Variants in TSNARE1 observed in about 807,000 individuals in gnomAD.
TSNARE1 encodes the protein t-SNARE domain-containing protein 1.
Under a neutral mutation model 62.0 loss-of-function variants are expected in TSNARE1, and 49 were observed. The ratio of observed to expected loss-of-function variants is 0.79; its 90% confidence interval spans 0.63 to 1.00. The LOEUF (loss-of-function observed/expected upper bound fraction) is 1.00. TSNARE1 is among the 50% of genes least tolerant of loss of function. TSNARE1 has a pLI of 0.00. For synonymous variants in TSNARE1, 328 were observed against 294.4 expected, an observed-to-expected ratio of 1.11 and a Z score of -1.17; for missense variants, 755 against 700.1, an observed-to-expected ratio of 1.08 and a Z score of -0.88.
intron 4 of TSNARE1, among the ~76,000 whole-genome samples, chr8:142,333,411 A>C (rs1054736035): frequency 2.6e-4 from 39 of 152,168 alleles, no homozygotes; most frequent in African/African-American, 9.4e-4. Context: ...GCAAGTTTAC[A>C]ATTTTCCATA....
intron 12 of TSNARE1, among the ~76,000 whole-genome samples, chr8:142,235,488 A>C (rs67498679): frequency 0.24 from 36,360 of 150,528 alleles, 5,532 homozygotes; most frequent in African/African-American, 0.43. Context: ...ATGCATTCAG[A>C]ACACATGACG....
chr8:142,260,974 G>GAGGCAGCAGAA (rs1818834116), intron 12 of TSNARE1, among the ~76,000 whole-genome samples: 1 of 72,194 alleles, frequency 1.4e-5, no homozygotes, highest in Non-Finnish European at 3.1e-5. Flanking sequence ...GTCAGGGAGG[G>GAGGCAGCAGAA]AGGGAGGGAG....
chr8:142,273,724 C>T, intron 12 of TSNARE1: 1 of 985,430 alleles, frequency 1.0e-6, no homozygotes, highest in South Asian at 4.7e-5. Context: ...GGCTGGGTCC[C>T]ACTGGGGAAG....
intron 12 of TSNARE1, chr8:142,270,334 A>G (rs1055985221): frequency 2.7e-5 from 27 of 985,328 alleles, no homozygotes; most frequent in Non-Finnish European, 3.0e-5. Flanking sequence ...ACGCCCGAGA[A>G]GCAGGCTCCA....
At chr8:142,227,561 C>T (rs1195487840) in intron 13 of TSNARE1, among the ~76,000 whole-genome samples, 1 of 152,246 alleles carries the variant, frequency 6.6e-6, no homozygotes, top group Non-Finnish European at 1.5e-5. Flanking sequence ...GCTCTGGATA[C>T]CAGGAGTTCT....
chr8:142,300,783 G>GACGATCT, intron 9 of TSNARE1, 139 bp from the exon 10 acceptor site: 267 of 1,092,360 alleles, frequency 2.4e-4, no homozygotes, highest in Non-Finnish European at 2.9e-4. Flanking sequence ...GGTCTGAGGC[G>GACGATCT]GGGGCCTTCT....
intron 12 of TSNARE1, among the ~76,000 whole-genome samples, chr8:142,242,961 A>AT (rs1554628052): frequency 1.3e-5 from 2 of 149,570 alleles, no homozygotes; most frequent in Admixed American, 6.6e-5. Flanking sequence ...AAAAAAAAAA[A>AT]AAAAAAAAAG....
chr8:142,274,546 AAG>A, intron 12 of TSNARE1: 1 of 985,374 alleles, frequency 1.0e-6, no homozygotes, highest in Non-Finnish European at 1.2e-6. Flanking sequence ...TGGTGCATAC[AAG>A]AGAGGAGACG....
chr8:142,277,991 G>A (rs898762848), intron 11 of TSNARE1: 2 of 985,292 alleles, frequency 2.0e-6, no homozygotes, highest in South Asian at 4.7e-5. Flanking sequence ...ACCCTTGGCT[G>A]CAAGAATCTG....
intron 7 of TSNARE1, among the ~76,000 whole-genome samples, chr8:142,315,502 G>C (rs1249818120): frequency 1.3e-5 from 2 of 152,236 alleles, no homozygotes; most frequent in Non-Finnish European, 2.9e-5. Flanking sequence ...CCTGTATCTG[G>C]GCTCCCCGTG....
At chr8:142,307,211 C>A (rs1826841285) in intron 9 of TSNARE1, among the ~76,000 whole-genome samples, 2 of 152,218 alleles carry the variant, frequency 1.3e-5, no homozygotes, top group African/African-American at 4.8e-5. Context: ...AGCGTTATGT[C>A]CGAGACATCA....
chr8:142,334,496 G>A (rs1297982685), intron 4 of TSNARE1, among the ~76,000 whole-genome samples: 2 of 151,236 alleles, frequency 1.3e-5, no homozygotes, highest in Non-Finnish European at 2.9e-5. Flanking sequence ...TGGGGGGGCA[G>A]CAGGGGGGAC....
At position 142,375,526 on chromosome 8, in the gene TSNARE1, C is replaced by T. The variant is rs187619700; in HGVS notation, c.-39-20763G>A. On this transcript the variant is annotated intron_variant, in intron 1 of 13. Transcript: ENST00000524325. ...CAGCTTCCTCGGCTCCAAGGGGACC[C>T]GCCAGGCAGGCCTGGCAGCAGCTTC... Among the ~76,000 whole-genome samples the T allele has an allele frequency of 7.9e-5, 12 of 152,318 alleles. No individual in the cohort carries two copies. The East Asian group carries it at 1.4e-3, about 17-fold the overall frequency.
chr8:142,294,335 G>C (rs1824318488), intron 10 of TSNARE1, among the ~76,000 whole-genome samples: 1 of 152,194 alleles, frequency 6.6e-6, no homozygotes, highest in African/African-American at 2.4e-5. Context: ...ACCAGGCTGA[G>C]GGCTGTCCTT....
At chr8:142,331,327 C>T (rs75870970) in intron 5 of TSNARE1, among the ~76,000 whole-genome samples, 2,007 of 152,344 alleles carry the variant, frequency 0.013, 42 homozygotes, top group African/African-American at 0.046. Flanking sequence ...GGCTCTCATC[C>T]CTGCTCTCAG....
At chr8:142,350,120 C>T (rs1166389353) in intron 2 of TSNARE1, among the ~76,000 whole-genome samples, 1 of 93,748 alleles carries the variant, frequency 1.1e-5, no homozygotes, top group African/African-American at 4.6e-5. Context: ...GCAGGCAAGG[C>T]TGGGACCAGG....
At chr8:142,331,968 C>CT in intron 4 of TSNARE1, 137 bp from the exon 5 acceptor site, 1 of 799,248 alleles carries the variant, frequency 1.3e-6, no homozygotes, top group Non-Finnish European at 2.1e-6. Context: ...CCCTCACTGC[C>CT]TTTGCGGCTT....
intron 10 of TSNARE1, among the ~76,000 whole-genome samples, chr8:142,294,134 G>T (rs993686733): frequency 6.6e-6 from 1 of 152,042 alleles, no homozygotes; most frequent in Non-Finnish European, 1.5e-5. Context: ...GACCCCCTGC[G>T]GACCTCAGAG....
chr8:142,341,742 C>T (rs927419896), intron 4 of TSNARE1, among the ~76,000 whole-genome samples: 1 of 152,200 alleles, frequency 6.6e-6, no homozygotes, highest in Non-Finnish European at 1.5e-5. Flanking sequence ...CTCCTGCAGC[C>T]CAGGCCTTTT....
Sources: allele counts gnomAD v4.1 joint callset (sites outside exome capture counted in the v4.1 genomes callset), GRCh38; gene constraint gnomAD v4.1.1; transcripts MANE v1.5; gene names NCBI Gene and HGNC (gene_info 2026-07-23, HGNC 2026-07-21).